The following MTA3 variants were observed in gnomAD, a reference collection of about 807,000 sequenced individuals.
MTA3 encodes the protein metastasis associated 1 family member 3.
In MTA3, 34 loss-of-function variants were observed where a neutral mutation model predicts 83.5. The ratio of observed to expected loss-of-function variants is 0.41; its 90% CI spans 0.31 to 0.54. The LOEUF (loss-of-function observed/expected upper bound fraction) is 0.54, where lower values mean the gene tolerates loss of function less well. MTA3 is among the 20% of genes least tolerant of loss of function. MTA3 has a pLI of 0.33. For synonymous variants in MTA3, 303 were observed against 252.7 expected, an observed-to-expected ratio of 1.20 and a Z score of -1.89; for missense variants, 761 against 726.4, an observed-to-expected ratio of 1.05 and a Z score of -0.55.
chr2:42,500,904 G>A (rs555326962), intron 2 of MTA3, among the ~76,000 whole-genome samples: 4 of 149,430 alleles, frequency 2.7e-5, no homozygotes, highest in East Asian at 2.0e-4. Flanking sequence ...TCTGCCTCCC[G>A]GGTTCACGCC....
chr2:42,543,944 G>C (rs1358261001), intron 2 of MTA3, among the ~76,000 whole-genome samples: 1 of 151,946 alleles, frequency 6.6e-6, no homozygotes, highest in Non-Finnish European at 1.5e-5. Context: ...TCCTGTTAGA[G>C]AAACAGGAAG....
intron 2 of MTA3, among the ~76,000 whole-genome samples, chr2:42,558,882 C>G (rs1280631406): frequency 6.6e-6 from 1 of 151,774 alleles, no homozygotes; most frequent in Non-Finnish European, 1.5e-5. Flanking sequence ...AACCCATGGA[C>G]TACTCCAAAC....
intron 2 of MTA3, among the ~76,000 whole-genome samples, chr2:42,529,906 G>A (rs1486842921): frequency 6.6e-6 from 1 of 152,148 alleles, no homozygotes; most frequent in East Asian, 1.9e-4. Flanking sequence ...GATTACAATC[G>A]GACAGGCGCG....
intron 8 of MTA3, among the ~76,000 whole-genome samples, chr2:42,674,123 AC>A (rs1190599911): frequency 6.6e-5 from 10 of 152,248 alleles, no homozygotes; most frequent in African/African-American, 2.4e-4. Context: ...ACTCAGTAGC[AC>A]AAGAGGGCAA....
At chr2:42,592,555 G>A (rs1681142258) in intron 3 of MTA3, among the ~76,000 whole-genome samples, 1 of 152,168 alleles carries the variant, frequency 6.6e-6, no homozygotes, top group African/African-American at 2.4e-5. Context: ...GTGCACACAA[G>A]CCTGGTGTAC....
chr2:42,631,335 C>T (rs1048170557), intron 4 of MTA3, among the ~76,000 whole-genome samples: 2 of 152,166 alleles, frequency 1.3e-5, no homozygotes, highest in East Asian at 1.9e-4. Context: ...TTAGCATGCT[C>T]TTTTTGGAAG....
intron 4 of MTA3, among the ~76,000 whole-genome samples, chr2:42,623,076 C>G (rs1315253355): frequency 6.6e-6 from 1 of 152,160 alleles, no homozygotes; most frequent in African/African-American, 2.4e-5. Flanking sequence ...GTAAATGGTA[C>G]CAAGTCAGTT....
chr2:42,677,681 C>G (rs1028433406), intron 8 of MTA3, among the ~76,000 whole-genome samples: 1 of 152,106 alleles, frequency 6.6e-6, no homozygotes, highest in Non-Finnish European at 1.5e-5. Flanking sequence ...TGCACAACCT[C>G]TTGCTTTTTG....
chr2:42,551,089 T>A (rs1055513578), intron 2 of MTA3, among the ~76,000 whole-genome samples: 11 of 144,374 alleles, frequency 7.6e-5, no homozygotes, highest in Admixed American at 2.1e-4. Flanking sequence ...ATAAATAAAT[T>A]AAAATTTATG....
At chr2:42,603,025 A>G (rs6544574) in intron 3 of MTA3, among the ~76,000 whole-genome samples, 114,288 of 151,614 alleles carry the variant, frequency 0.75, 43,436 homozygotes, top group South Asian at 0.88. Context: ...CCTGGAATCC[A>G]GGATGGACTG....
At chr2:42,519,150 C>G (rs1478898258) in intron 2 of MTA3, among the ~76,000 whole-genome samples, 1 of 152,128 alleles carries the variant, frequency 6.6e-6, no homozygotes, top group African/African-American at 2.4e-5. Flanking sequence ...ACATGTACCC[C>G]TTGATATGAT....
At chr2:42,621,264 C>T (rs921059695) in intron 4 of MTA3, among the ~76,000 whole-genome samples, 6 of 151,944 alleles carry the variant, frequency 3.9e-5, no homozygotes, top group Admixed American at 6.6e-5. Flanking sequence ...TTTTCCTAGG[C>T]AGAGGACCCT....
intron 6 of MTA3, among the ~76,000 whole-genome samples, chr2:42,651,172 A>G (rs1402711535): frequency 4.6e-5 from 7 of 152,230 alleles, no homozygotes; most frequent in Non-Finnish European, 7.3e-5. Context: ...TAAAAAGATA[A>G]TAAGTGGTGC....
At chr2:42,554,257 T>C (rs1446406035) in intron 2 of MTA3, among the ~76,000 whole-genome samples, 1 of 152,016 alleles carries the variant, frequency 6.6e-6, no homozygotes, top group Non-Finnish European at 1.5e-5. Flanking sequence ...TAAAATAAAC[T>C]AGTTATCTAT....
intron 2 of MTA3, among the ~76,000 whole-genome samples, chr2:42,553,031 C>G (rs1420796319): frequency 6.6e-6 from 1 of 151,808 alleles, no homozygotes; most frequent in Non-Finnish European, 1.5e-5. Context: ...AATCCCAGCA[C>G]TTTGGAAGGC....
At chr2:42,571,010 T>C (rs1573006480) in intron 2 of MTA3, among the ~76,000 whole-genome samples, 1 of 150,210 alleles carries the variant, frequency 6.7e-6, no homozygotes, top group Non-Finnish European at 1.5e-5. Flanking sequence ...AAACTCCGTC[T>C]CAAAAAAAAA....
chr2:42,515,498 T>G (rs1675102695), intron 2 of MTA3, among the ~76,000 whole-genome samples: 2 of 151,868 alleles, frequency 1.3e-5, no homozygotes, highest in Non-Finnish European at 2.9e-5. Context: ...TGTATTTTAT[T>G]TTATTTTATT....
intron 2 of MTA3, chr2:42,532,705 C>T (rs1218567062): frequency 1.1e-5 from 2 of 186,804 alleles, no homozygotes; most frequent in Non-Finnish European, 2.2e-5. Context: ...CACACTTCTA[C>T]TCAATGAAGA....
At chr2:42,618,275 C>T (rs756894445) in intron 4 of MTA3, among the ~76,000 whole-genome samples, 16 of 152,032 alleles carry the variant, frequency 1.1e-4, no homozygotes, top group Admixed American at 7.2e-4. Context: ...GTAGTAAAAA[C>T]GTAGTCACGT....
Sources: gnomAD v4.1 joint callset for allele counts (sites outside exome capture counted in the v4.1 genomes callset) on GRCh38, gnomAD v4.1.1 for gene constraint, MANE v1.5 for transcripts, NCBI Gene and HGNC (gene_info 2026-07-23, HGNC 2026-07-21) for gene names.